DTWD2: variants seen among roughly 807,000 people sequenced by gnomAD.
The protein encoded by DTWD2 is tRNA-uridine aminocarboxypropyltransferase 2.
A neutral mutation model predicts 31.8 loss-of-function variants in DTWD2; 39 were observed. The ratio of observed to expected loss-of-function variants is 1.22; its 90% CI spans 0.95 to 1.60. The LOEUF (loss-of-function observed/expected upper bound fraction) is 1.60. Ranked by LOEUF, DTWD2 falls within the 40% of genes most tolerant of loss-of-function variation. The pLI is 0.00. For missense variants in DTWD2, 515 were observed against 381.5 expected, an observed-to-expected ratio of 1.35 and a Z score of -2.92; for synonymous variants, 180 against 142.8, an observed-to-expected ratio of 1.26 and a Z score of -1.86.
intron 4 of DTWD2, among the ~76,000 whole-genome samples, chr5:118,851,233 A>G (rs1024324141): frequency 5.6e-4 from 85 of 151,810 alleles, no homozygotes; most frequent in African/African-American, 2.0e-3. Context: ...AAAAAAAAAA[A>G]AAAAAGAAAG....
At chr5:118,887,814 G>T (rs1752899636) in intron 4 of DTWD2, among the ~76,000 whole-genome samples, 1 of 152,086 alleles carries the variant, frequency 6.6e-6, no homozygotes, top group Non-Finnish European at 1.5e-5. Context: ...GTTTGGTTTG[G>T]TTTTTTAGAA....
At chr5:118,936,543 A>T (rs1754049906) in intron 3 of DTWD2, among the ~76,000 whole-genome samples, 1 of 151,904 alleles carries the variant, frequency 6.6e-6, no homozygotes, top group Non-Finnish European at 1.5e-5. Context: ...AGTAGCTCAC[A>T]TCTGTAATCC....
chr5:118,868,682 A>G (rs1323416350), intron 4 of DTWD2, among the ~76,000 whole-genome samples: 1 of 151,922 alleles, frequency 6.6e-6, no homozygotes, highest in Non-Finnish European at 1.5e-5. Flanking sequence ...TACCAAAAAC[A>G]TTAAAAATTA....
intron 1 of DTWD2, among the ~76,000 whole-genome samples, chr5:118,981,160 G>A (rs867462078): frequency 1.3e-5 from 2 of 152,126 alleles, no homozygotes; most frequent in Non-Finnish European, 2.9e-5. Context: ...GAAACAAAAA[G>A]TAGAATAGAG....
intron 1 of DTWD2, among the ~76,000 whole-genome samples, chr5:118,979,768 T>A (rs1211539424): frequency 6.6e-6 from 1 of 152,244 alleles, no homozygotes; most frequent in East Asian, 1.9e-4. Flanking sequence ...AAACACCGCA[T>A]GTTCTCACTT....
chr5:118,926,331 A>G (rs578092363), intron 4 of DTWD2, among the ~76,000 whole-genome samples: 31 of 152,320 alleles, frequency 2.0e-4, no homozygotes, highest in African/African-American at 7.5e-4. Flanking sequence ...GTTCTCACTT[A>G]TAAGTGGGAG....
intron 4 of DTWD2, among the ~76,000 whole-genome samples, chr5:118,911,274 T>A (rs545192390): frequency 2.0e-4 from 30 of 152,128 alleles, no homozygotes; most frequent in Non-Finnish European, 4.0e-4. Flanking sequence ...TAATCTCTAA[T>A]CAACAAGAAA....
chr5:118,949,098 A>C (rs1263556670), intron 1 of DTWD2, among the ~76,000 whole-genome samples: 1 of 151,068 alleles, frequency 6.6e-6, no homozygotes, highest in Non-Finnish European at 1.5e-5. Context: ...TTTTGAGAAC[A>C]GATGTTGGAG....
At chr5:118,879,315 G>A (rs1362548048) in intron 4 of DTWD2, among the ~76,000 whole-genome samples, 1 of 152,108 alleles carries the variant, frequency 6.6e-6, no homozygotes, top group Admixed American at 6.5e-5. Context: ...CCATTAAAAA[G>A]AACAAGATGG....
chr5:118,883,610 A>G (rs1752792244), intron 4 of DTWD2, among the ~76,000 whole-genome samples: 1 of 152,158 alleles, frequency 6.6e-6, no homozygotes, highest in Non-Finnish European at 1.5e-5. Flanking sequence ...ATGGTAGAGG[A>G]CAAAGGGGAA....
chr5:118,840,807 C>T lies in DTWD2; in HGVS notation c.*110G>A. 1 of 1,121,410 alleles carries T rather than the reference C, an allele frequency of 8.9e-7. No individual in the cohort carries two copies. The highest frequency in any genetic ancestry group is 1.2e-6 in the Non-Finnish European group (1 of 841,288). The allele number at this position is 1,121,410 out of a possible 1,614,324, so 69.5% of individuals were successfully genotyped here. On this transcript the variant is annotated 3_prime_UTR_variant, in exon 6 of 6. Coordinates refer to ENST00000510708, the MANE Select transcript of DTWD2 (RefSeq NM_173666.4). ...CCTTCTTCTGGGTAAGATTAGTATGCAATTCTCCTTCTTTAGCAAGTCAAA... is the reference window on the plus strand; with the variant it reads ...CCTTCTTCTGGGTAAGATTAGTATGTAATTCTCCTTCTTTAGCAAGTCAAA...
At chr5:118,877,714 A>C (rs1561437604) in intron 4 of DTWD2, among the ~76,000 whole-genome samples, 2 of 152,164 alleles carry the variant, frequency 1.3e-5, no homozygotes, top group Non-Finnish European at 2.9e-5. Context: ...AAAGAAATAA[A>C]GGGCATCCAA....
intron 1 of DTWD2, among the ~76,000 whole-genome samples, chr5:118,950,426 G>A (rs896728188): frequency 1.3e-5 from 2 of 152,076 alleles, no homozygotes; most frequent in African/African-American, 4.8e-5. Context: ...TACCTCAAGC[G>A]CCTGTGATGG....
chr5:118,870,538 G>T (rs889254169), intron 4 of DTWD2, among the ~76,000 whole-genome samples: 1 of 152,136 alleles, frequency 6.6e-6, no homozygotes. Flanking sequence ...AGTCTATTAG[G>T]TATGCAATAG....
chr5:118,938,770 G>GA (rs898385432), intron 3 of DTWD2, among the ~76,000 whole-genome samples: 9 of 51,662 alleles, frequency 1.7e-4, no homozygotes, highest in South Asian at 5.3e-4. Context: ...CACCATAGGG[G>GA]AAAAAAAACT....
chr5:118,879,615 A>T (rs2149553653), intron 4 of DTWD2, among the ~76,000 whole-genome samples: 1 of 151,528 alleles, frequency 6.6e-6, no homozygotes, highest in Middle Eastern at 3.4e-3. Flanking sequence ...AGCTCAAAAA[A>T]AAAAAAAAAA....
intron 4 of DTWD2, among the ~76,000 whole-genome samples, chr5:118,874,796 A>G (rs1354744983): frequency 2.0e-5 from 3 of 152,222 alleles, no homozygotes; most frequent in Non-Finnish European, 4.4e-5. Context: ...ATTTCAGGAT[A>G]TCATCCAGGA....
In DTWD2 at chr5:118,878,320, A is replaced by G. The variant is rs376380836; in HGVS notation, c.598-30102T>C. The stretch of plus-strand genomic sequence containing the variant: ...TATTGGTATGAAAACAGACACATAA[A>G]CCAATGGAACAGAGTAAAGAACCCA... On this transcript the variant is annotated intron_variant, in intron 4 of 5. Transcript: ENST00000510708. Among the ~76,000 whole-genome samples, 3 of 152,252 alleles carry G rather than the reference A, an allele frequency of 2.0e-5. No homozygotes were observed. The East Asian group carries it at 5.8e-4, about 29-fold the overall frequency.
intron 1 of DTWD2, among the ~76,000 whole-genome samples, chr5:118,982,088 T>C (rs1027307786): frequency 1.3e-5 from 2 of 152,204 alleles, no homozygotes; most frequent in Non-Finnish European, 2.9e-5. Context: ...GGTTGTCTCA[T>C]GTATTAAACA....
Sources: gnomAD v4.1 joint callset for allele counts (sites outside exome capture counted in the v4.1 genomes callset) on GRCh38, gnomAD v4.1.1 for gene constraint, MANE v1.5 for transcripts, NCBI Gene and HGNC (gene_info 2026-07-23, HGNC 2026-07-21) for gene names.